The following GINS3 variants were observed in gnomAD, a reference collection of about 807,000 sequenced individuals.
The protein encoded by GINS3 is DNA replication complex GINS protein PSF3.
In GINS3, 18 loss-of-function variants were observed where a neutral mutation model predicts 20.0. The observed-to-expected ratio is 0.90, with a 90% CI of 0.62 to 1.33. GINS3 has a LOEUF of 1.33. Ranked by LOEUF, GINS3 falls within the 40% of genes most tolerant of loss-of-function variation. The pLI, the probability that GINS3 is intolerant of heterozygous loss-of-function variation, is 0.00. For synonymous variants in GINS3, 109 were observed against 107.0 expected, an observed-to-expected ratio of 1.02 and a Z score of -0.12; for missense variants, 254 against 273.6, an observed-to-expected ratio of 0.93 and a Z score of 0.51.
chr16:58,402,286 T>C (rs981628313), intron 1 of GINS3, among the ~76,000 whole-genome samples: 1 of 152,216 alleles, frequency 6.6e-6, no homozygotes, highest in African/African-American at 2.4e-5. Flanking sequence ...TCTCTGCTAT[T>C]CGGTGTCAAA....
chr16:58,398,385 A>T (rs192320246), intron 1 of GINS3, among the ~76,000 whole-genome samples: 2 of 152,234 alleles, frequency 1.3e-5, no homozygotes. Flanking sequence ...AGGCAGGAGG[A>T]TCACTTGAGC....
chr16:58,400,918 G>A (rs974594728), intron 1 of GINS3, among the ~76,000 whole-genome samples: 9 of 151,376 alleles, frequency 5.9e-5, no homozygotes, highest in African/African-American at 1.7e-4. Context: ...GTGTTCAAGC[G>A]AGTCTTCTGC....
chr16:58,396,135 G>A (rs1240776331), intron 1 of GINS3, among the ~76,000 whole-genome samples: 1 of 137,376 alleles, frequency 7.3e-6, no homozygotes, highest in African/African-American at 2.8e-5. Flanking sequence ...CTGGGTGGGG[G>A]GCTGACCCCC....
At chr16:58,399,151 G>GA (rs1460170188) in intron 1 of GINS3, among the ~76,000 whole-genome samples, 1 of 151,756 alleles carries the variant, frequency 6.6e-6, no homozygotes, top group Non-Finnish European at 1.5e-5. Flanking sequence ...CTGTCTCTAG[G>GA]AAAAATTGAA....
intron 1 of GINS3, 163 bp downstream of exon 1, chr16:58,392,950 C>G (rs537613901): frequency 1.5e-6 from 1 of 688,996 alleles, no homozygotes; most frequent in African/African-American, 1.8e-5. Flanking sequence ...CGCGGGGGTC[C>G]CTTCGCGCTC....
Position 58,392,740 on chromosome 16 carries a change from T to C in GINS3, c.139T>C (p.Phe47Leu). 1 of 1,613,820 alleles carries C rather than the reference T, an allele frequency of 6.2e-7. No homozygotes were observed. The highest frequency in any genetic ancestry group is 1.1e-5 in the South Asian group (1 of 91,082). ...CGCCATGCCTCGCCTTGGCGCTTTC[T>C]TCCTGGAGCGGAGCGCAGGCGCCGA... ...ETAMPRLGAF[F>L]LERSAGAETD... Residue 47 changes from phenylalanine to leucine, a missense_variant, in exon 1 of 3, where the codon TTC (phenylalanine) becomes CTC (leucine). Coordinates refer to ENST00000318129, the MANE Select transcript of GINS3 (RefSeq NM_022770.4).
intron 1 of GINS3, among the ~76,000 whole-genome samples, chr16:58,400,082 G>T (rs982713858): frequency 6.6e-6 from 1 of 152,014 alleles, no homozygotes; most frequent in African/African-American, 2.4e-5. Flanking sequence ...GGATCTTCTG[G>T]TGATAAGTCT....
At chr16:58,400,368 C>G (rs1388467834) in intron 1 of GINS3, among the ~76,000 whole-genome samples, 1 of 152,168 alleles carries the variant, frequency 6.6e-6, no homozygotes, top group South Asian at 2.1e-4. Flanking sequence ...AATACTGTCT[C>G]CTAGGGAAGC....
intron 2 of GINS3, 188 bp downstream of exon 2, chr16:58,403,519 ACAT>A: frequency 1.8e-6 from 1 of 562,664 alleles, no homozygotes; most frequent in Non-Finnish European, 3.1e-6. Flanking sequence ...ACACACACAC[ACAT>A]TTTTTTAATA....
Position 58,405,781 on chromosome 16 carries a change from A to T in GINS3, c.*1052A>T, listed in dbSNP as rs1312925553. 1.3e-5 allele frequency: 2 copies of T among 152,210 alleles called. No homozygotes were observed. The highest frequency in any genetic ancestry group is 2.9e-5 in the Non-Finnish European group (2 of 68,044). 9.4% of individuals were successfully genotyped at this position (152,210 alleles called of 1,614,324 possible). A position where few individuals can be genotyped will look rare whatever the true frequency, so the allele number is the denominator to read the frequency against. ...GATGCAACCTCAGGTTGAGAAAGAA[A>T]CAGGGTTCCCTGGGCCCATTAGACT... On this transcript the variant is annotated 3_prime_UTR_variant, in exon 3 of 3. Coordinates refer to ENST00000318129, the MANE Select transcript of GINS3 (RefSeq NM_022770.4).
In GINS3 at chr16:58,405,790, C is replaced by T. The variant is rs139356640; in HGVS notation, c.*1061C>T. The stretch of plus-strand genomic sequence containing the variant: ...TCAGGTTGAGAAAGAAACAGGGTTC[C>T]CTGGGCCCATTAGACTGTTTGCAGG... On this transcript the variant is annotated 3_prime_UTR_variant, in exon 3 of 3. Coordinates refer to ENST00000318129, the MANE Select transcript of GINS3 (RefSeq NM_022770.4). 144 of 152,224 alleles carry T rather than the reference C, an allele frequency of 9.5e-4. No homozygotes were observed. The highest frequency in any genetic ancestry group is 3.3e-3 in the African/African-American group (139 of 41,528). 9.4% of individuals were successfully genotyped at this position (152,224 alleles called of 1,614,324 possible).
Position 58,399,004 on chromosome 16 carries a change from CT to C in GINS3, c.187-4084del, listed in dbSNP as rs894392132. On this transcript the variant is annotated intron_variant, in intron 1 of 2. Coordinates refer to ENST00000318129, the MANE Select transcript of GINS3 (RefSeq NM_022770.4). ...TCTATCCTTGCAATTTTTTTTTCTA[CT>C]TTTTTTTTTATCCTGTAAAACATGT... Among the ~76,000 whole-genome samples the C allele has an allele frequency of 6.8e-5, 10 of 148,118 alleles. No homozygotes were observed. The East Asian group carries it at 1.2e-3, about 17-fold the overall frequency.
At chr16:58,397,782 C>CAGAGGGAGACCGTGGAAAGAGAGGG (rs1209912078) in intron 1 of GINS3, among the ~76,000 whole-genome samples, 2 of 151,972 alleles carry the variant, frequency 1.3e-5, no homozygotes, top group Non-Finnish European at 1.5e-5. Context: ...GGCTCGGCAT[C>CAGAGGGAGACCGTGGAAAGAGAGGG]AGAGGGAGAC....
chr16:58,393,211 G>A (rs574988582), intron 1 of GINS3, among the ~76,000 whole-genome samples: 2 of 152,324 alleles, frequency 1.3e-5, no homozygotes, highest in African/African-American at 4.8e-5. Flanking sequence ...GGAACCCCAA[G>A]TTGCTAAATT....
Position 58,404,495 on chromosome 16 carries a change from C to G in GINS3, c.421-4C>G. On this transcript the variant is annotated splice_region_variant and splice_polypyrimidine_tract_variant and intron_variant, in intron 2 of 2. Coordinates refer to ENST00000318129, the MANE Select transcript of GINS3 (RefSeq NM_022770.4). ...CTGACTTGTCTTACTCCCTTGTTTC[C>G]CAGACTTTTATCGGACGTTTTCGCC... 1 of 1,611,100 alleles carries G rather than the reference C, an allele frequency of 6.2e-7. No individual in the cohort carries two copies. The highest frequency in any genetic ancestry group is 8.5e-7 in the Non-Finnish European group (1 of 1,177,308).
chr16:58,396,618 AT>A (rs1965868979), intron 1 of GINS3, among the ~76,000 whole-genome samples: 1 of 1,990 alleles, frequency 5.0e-4, no homozygotes, highest in Non-Finnish European at 9.2e-4. Flanking sequence ...CGGGGGGCTG[AT>A]CCCCCCACCT....
intron 2 of GINS3, chr16:58,403,698 C>A: frequency 4.2e-6 from 1 of 235,528 alleles, no homozygotes; most frequent in Non-Finnish European, 8.3e-6. Flanking sequence ...GAGTTCAAGA[C>A]CAACCTGGGC....
In GINS3 at chr16:58,404,682, C is replaced by G. The variant is rs746925796; in HGVS notation, c.604C>G (p.Leu202Val). The G allele has an allele frequency of 3.7e-5, 59 of 1,614,064 alleles. No individual in the cohort carries two copies. The East Asian group carries it at 1.3e-3, about 35-fold the overall frequency. The change falls in exon 3 of 3, where the codon CTC becomes GTC. Residue 202 changes from leucine to valine, a missense_variant. By Grantham distance (32) the Leu-to-Val change is conservative (BLOSUM62 1). Transcript: ENST00000318129. ...GQASQITASNLVQNYKKRKFT... is the reference protein window; with the variant it reads ...GQASQITASNVVQNYKKRKFT... ...GGCTTCTCAGATCACAGCTTCCAAC[C>G]TCGTTCAGAATTACAAGAAGAGAAA...
chr16:58,402,843 C>G (rs1236428210), intron 1 of GINS3: 5 of 526,560 alleles, frequency 9.5e-6, no homozygotes, highest in Non-Finnish European at 1.7e-5. Flanking sequence ...AGTTAGAAAA[C>G]TCTCACTTAT....
Sources: allele counts gnomAD v4.1 joint callset (sites outside exome capture counted in the v4.1 genomes callset), GRCh38; gene constraint gnomAD v4.1.1; transcripts MANE v1.5; gene names NCBI Gene and HGNC (gene_info 2026-07-23, HGNC 2026-07-21).